METTL25: variants seen among roughly 807,000 people sequenced by gnomAD.
The protein encoded by METTL25 is probable methyltransferase-like protein 25.
Under a neutral mutation model 71.6 loss-of-function variants are expected in METTL25, and 64 were observed. The ratio of observed to expected loss-of-function variants is 0.89; its 90% CI spans 0.73 to 1.10. The LOEUF (loss-of-function observed/expected upper bound fraction) is 1.10, where lower values mean the gene tolerates loss of function less well. Ranked by LOEUF, METTL25 falls within the 50% of genes least tolerant of loss-of-function variation. The pLI is 0.00. For missense variants in METTL25, 807 were observed against 707.0 expected, an observed-to-expected ratio of 1.14 and a Z score of -1.60; for synonymous variants, 287 against 250.3, an observed-to-expected ratio of 1.15 and a Z score of -1.38.
intron 8 of METTL25, among the ~76,000 whole-genome samples, chr12:82,455,030 G>T (rs1043695419): frequency 4.0e-5 from 6 of 151,686 alleles, no homozygotes; most frequent in African/African-American, 1.5e-4. Context: ...AGTCTGACTG[G>T]AAGCCACCCT....
intron 1 of METTL25, among the ~76,000 whole-genome samples, chr12:82,375,772 C>A (rs1883782463): frequency 6.6e-6 from 1 of 152,150 alleles, no homozygotes; most frequent in African/African-American, 2.4e-5. Context: ...TATCAGTATT[C>A]TTCAATACTG....
At position 82,456,839 on chromosome 12, in the gene METTL25, A is replaced by AT. The variant is rs1592754660; in HGVS notation, c.1572+21dup. The AT allele has an allele frequency of 1.0e-5, 12 of 1,182,846 alleles. 1 individual carries two copies. The highest frequency in any genetic ancestry group is 5.2e-5 in the East Asian group (2 of 38,208). 73.3% of individuals were successfully genotyped at this position (1,182,846 alleles called of 1,614,324 possible). A position where few individuals can be genotyped will look rare whatever the true frequency, so the allele number is the denominator to read the frequency against. ...GTCCAAGGTCAGTATATGATGACTCATTATTTTCAGAAAAGACAGAAGAAC... is the reference window on the plus strand; with the variant it reads ...GTCCAAGGTCAGTATATGATGACTCATTTATTTTCAGAAAAGACAGAAGAAC... On this transcript the variant is annotated intron_variant, in intron 9 of 11. Transcript: ENST00000248306.
At position 82,462,923 on chromosome 12, in the gene METTL25, TTTTTTTA is replaced by T. The variant is rs562427498; in HGVS notation, c.1572+6118_1572+6124del. The stretch of plus-strand genomic sequence containing the variant: ...CTATGTAAGTAGTTGTTGTACTGTA[TTTTTTTA>T]TTTTTTATTTTTTAAATGGACACAT... On this transcript the variant is annotated intron_variant, in intron 9 of 11. Coordinates refer to ENST00000248306, the MANE Select transcript of METTL25 (RefSeq NM_032230.3). 5.0e-3 allele frequency among the ~76,000 whole-genome samples: 761 copies of T among 152,156 alleles called. 5 individuals carry two copies. Among genetic ancestry groups the T allele is most frequent in the African/African-American group, 0.017 (717 of 41,538 alleles).
intron 8 of METTL25, among the ~76,000 whole-genome samples, chr12:82,451,076 A>C (rs748084142): frequency 2.0e-5 from 3 of 152,146 alleles, no homozygotes; most frequent in Non-Finnish European, 4.4e-5. Flanking sequence ...GAACCAAAGA[A>C]CCTGACTCCA....
At chr12:82,412,316 A>G (rs1396254280) in intron 5 of METTL25, among the ~76,000 whole-genome samples, 1 of 152,124 alleles carries the variant, frequency 6.6e-6, no homozygotes, top group Non-Finnish European at 1.5e-5. Context: ...ATCACAATCT[A>G]TTCAATTGAT....
chr12:82,443,037 CAA>C (rs1890469467), intron 8 of METTL25, among the ~76,000 whole-genome samples: 1 of 150,302 alleles, frequency 6.7e-6, no homozygotes. Context: ...GAATAGAAAA[CAA>C]AGACTAAGAG....
chr12:82,379,252 T>C (rs1050466475), intron 1 of METTL25, among the ~76,000 whole-genome samples: 1 of 152,124 alleles, frequency 6.6e-6, no homozygotes, highest in Non-Finnish European at 1.5e-5. Flanking sequence ...TAAGAAATGA[T>C]GTATCTTTGG....
intron 5 of METTL25, among the ~76,000 whole-genome samples, chr12:82,424,237 G>T (rs551196714): frequency 6.6e-6 from 1 of 152,238 alleles, no homozygotes; most frequent in South Asian, 2.1e-4. Context: ...TCCTTTGTAG[G>T]GATATGGATG....
At chr12:82,443,416 C>T (rs1012493113) in intron 8 of METTL25, among the ~76,000 whole-genome samples, 2 of 147,918 alleles carry the variant, frequency 1.4e-5, no homozygotes, top group Non-Finnish European at 3.0e-5. Context: ...AAGAAAGTAG[C>T]CTACAGCCTA....
intron 3 of METTL25, among the ~76,000 whole-genome samples, chr12:82,393,921 G>C (rs971446825): frequency 2.0e-5 from 3 of 151,644 alleles, no homozygotes; most frequent in African/African-American, 4.8e-5. Flanking sequence ...TGTATCCCGT[G>C]GGTTTTGGTA....
chr12:82,467,007 G>T (rs1892277537), intron 9 of METTL25, among the ~76,000 whole-genome samples: 1 of 151,960 alleles, frequency 6.6e-6, no homozygotes, highest in South Asian at 2.1e-4. Flanking sequence ...AAAGTGCTGA[G>T]ATAACAGGTG....
At chr12:82,447,646 GATT>G (rs776296186) in intron 8 of METTL25, among the ~76,000 whole-genome samples, 1 of 152,114 alleles carries the variant, frequency 6.6e-6, no homozygotes, top group African/African-American at 2.4e-5. Flanking sequence ...GGGAGCAGTG[GATT>G]ATTAGGCAGA....
At chr12:82,366,102 TA>T (rs912945812) in intron 1 of METTL25, among the ~76,000 whole-genome samples, 16 of 151,956 alleles carry the variant, frequency 1.1e-4, no homozygotes, top group Middle Eastern at 3.4e-3. Context: ...AAAAAAATTT[TA>T]AAAAAAAGAA....
At chr12:82,457,043 C>T (rs201527144) in intron 9 of METTL25, among the ~76,000 whole-genome samples, 3 of 151,644 alleles carry the variant, frequency 2.0e-5, no homozygotes, top group Middle Eastern at 3.2e-3. Context: ...TCTTTTAGTT[C>T]GAGTTAAAAA....
intron 8 of METTL25, among the ~76,000 whole-genome samples, chr12:82,444,596 A>G (rs1393721220): frequency 6.6e-6 from 1 of 152,164 alleles, no homozygotes; most frequent in Non-Finnish European, 1.5e-5. Flanking sequence ...TAATCATAAC[A>G]TTTGTTAAGA....
At chr12:82,455,259 T>G (rs1486896052) in intron 8 of METTL25, among the ~76,000 whole-genome samples, 1 of 151,864 alleles carries the variant, frequency 6.6e-6, no homozygotes, top group African/African-American at 2.4e-5. Flanking sequence ...AATCAATTAT[T>G]TTGTGATACA....
intron 5 of METTL25, among the ~76,000 whole-genome samples, chr12:82,410,733 C>T (rs558097676): frequency 2.2e-4 from 33 of 152,066 alleles, no homozygotes; most frequent in African/African-American, 8.0e-4. Flanking sequence ...AACTATGAGC[C>T]ATAAAGTGAT....
At chr12:82,448,512 G>GA (rs1320623200) in intron 8 of METTL25, among the ~76,000 whole-genome samples, 2 of 151,888 alleles carry the variant, frequency 1.3e-5, no homozygotes, top group African/African-American at 4.8e-5. Context: ...AGAAAACAGG[G>GA]AAAATCCAAT....
At chr12:82,402,907 A>T in intron 4 of METTL25, 76 bp from the exon 5 acceptor site, 1 of 1,085,126 alleles carries the variant, frequency 9.2e-7, no homozygotes, top group Non-Finnish European at 1.3e-6. Context: ...AAGATCCTGT[A>T]TGTAAAAATA....
Sources: gnomAD v4.1 joint callset for allele counts (sites outside exome capture counted in the v4.1 genomes callset) on GRCh38, gnomAD v4.1.1 for gene constraint, MANE v1.5 for transcripts, NCBI Gene and HGNC (gene_info 2026-07-23, HGNC 2026-07-21) for gene names.